SPECC1: variants seen among roughly 807,000 people sequenced by gnomAD.
The protein encoded by SPECC1 is sperm antigen with calponin homology and coiled-coil domains 1.
A neutral mutation model predicts 104.1 loss-of-function variants in SPECC1; 62 were observed. The observed-to-expected ratio is 0.60, with a 90% confidence interval of 0.49 to 0.74. The LOEUF is 0.74. Among genes scored for constraint, SPECC1 ranks in the 30% least tolerant of loss-of-function variants. The pLI is 0.00. For missense variants in SPECC1, 1,306 were observed against 1,310.5 expected, an observed-to-expected ratio of 1.00 and a Z score of 0.05; for synonymous variants, 513 against 501.6, an observed-to-expected ratio of 1.02 and a Z score of -0.30.
intron 11 of SPECC1, among the ~76,000 whole-genome samples, chr17:20,259,386 T>C (rs1226495857): frequency 6.6e-6 from 1 of 152,262 alleles, no homozygotes; most frequent in African/African-American, 2.4e-5. Context: ...TTTTACCTTT[T>C]TTAATGAAAA....
intron 1 of SPECC1, among the ~76,000 whole-genome samples, chr17:20,075,192 C>A (rs953382942): frequency 6.6e-6 from 1 of 152,330 alleles, no homozygotes; most frequent in South Asian, 2.1e-4. Context: ...CGTGAGCCCC[C>A]ACACCTGGCC....
chr17:20,097,194 T>A (rs562487537), intron 2 of SPECC1, among the ~76,000 whole-genome samples: 5 of 152,210 alleles, frequency 3.3e-5, no homozygotes, highest in Admixed American at 1.3e-4. Context: ...CGCTGTTGAT[T>A]ACGCCCTTCA....
chr17:20,153,283 G>A lies in SPECC1; in HGVS notation c.283+42721G>A, dbSNP rs148421470. ...TTGCTGTAATATAAGTTGGGAGGGA[G>A]AACTTCTGAAAGCTGAGGCTAGAAC... On this transcript the variant is annotated intron_variant, in intron 3 of 14. Coordinates refer to ENST00000395527, the MANE Select transcript of SPECC1 (RefSeq NM_001243439.2). Among the ~76,000 whole-genome samples, 412 of 152,308 alleles carry A rather than the reference G, an allele frequency of 2.7e-3. 1 individual carries two copies. Among genetic ancestry groups the A allele is most frequent in the African/African-American group, 8.6e-3 (358 of 41,566 alleles).
At chr17:20,093,181 C>CT (rs2047480716) in intron 1 of SPECC1, among the ~76,000 whole-genome samples, 1 of 152,194 alleles carries the variant, frequency 6.6e-6, no homozygotes, top group African/African-American at 2.4e-5. Context: ...GCTGCATAGT[C>CT]TAAGATCAAG....
intron 2 of SPECC1, among the ~76,000 whole-genome samples, chr17:20,097,861 A>C (rs1309284429): frequency 6.6e-6 from 1 of 152,138 alleles, no homozygotes; most frequent in Non-Finnish European, 1.5e-5. Context: ...TCTTTGTGTA[A>C]GATTGTCATG....
chr17:20,216,722 T>C (rs2037512735), intron 4 of SPECC1, among the ~76,000 whole-genome samples: 1 of 152,170 alleles, frequency 6.6e-6, no homozygotes, highest in Non-Finnish European at 1.5e-5. Flanking sequence ...TATAGTGCAA[T>C]TCCACTGGCT....
At chr17:20,251,466 T>C (rs1417128412) in intron 9 of SPECC1, among the ~76,000 whole-genome samples, 1 of 152,186 alleles carries the variant, frequency 6.6e-6, no homozygotes, top group East Asian at 1.9e-4. Context: ...TTGTCACTTT[T>C]GTTCAGCCAA....
intron 7 of SPECC1, among the ~76,000 whole-genome samples, chr17:20,244,102 G>A (rs2039321378): frequency 6.6e-6 from 1 of 152,086 alleles, no homozygotes; most frequent in African/African-American, 2.4e-5. Context: ...GTGCTTGCCT[G>A]TAGTCCCAGC....
rs2042011276 is a variant in SPECC1 at position 20,314,615 on chromosome 17, G to C, written c.*550G>C. On this transcript the variant is annotated 3_prime_UTR_variant, in exon 15 of 15. Transcript: ENST00000395527. ...TGAGCATACCACTGCACTCCAGCCT[G>C]TGTGAAAGAGCCAGACCCTGTCTCA... is the stretch of plus-strand genomic sequence containing the variant. 4.3e-6 allele frequency: 1 copy of C among 232,218 alleles called. No homozygotes were observed. The highest frequency in any genetic ancestry group is 8.5e-6 in the Non-Finnish European group (1 of 117,636). 14.4% of individuals were successfully genotyped at this position (232,218 alleles called of 1,614,324 possible).
chr17:20,198,812 G>GAGCC (rs1208833085), intron 3 of SPECC1, among the ~76,000 whole-genome samples: 3 of 152,202 alleles, frequency 2.0e-5, no homozygotes, highest in African/African-American at 4.8e-5. Context: ...TCCTGTAATA[G>GAGCC]AGCCACTGCT....
intron 3 of SPECC1, among the ~76,000 whole-genome samples, chr17:20,150,008 T>C (rs1022708947): frequency 7.2e-5 from 11 of 152,112 alleles, no homozygotes; most frequent in African/African-American, 2.4e-4. Flanking sequence ...AGTCTCACTC[T>C]GTCTCCCAGG....
chr17:20,276,559 T>C (rs1411253704), intron 12 of SPECC1, among the ~76,000 whole-genome samples: 1 of 152,224 alleles, frequency 6.6e-6, no homozygotes, highest in Non-Finnish European at 1.5e-5. Context: ...ATGTGTTTTA[T>C]CTTCTTCCTC....
At chr17:20,091,023 G>C (rs1420794654) in intron 1 of SPECC1, among the ~76,000 whole-genome samples, 2 of 152,262 alleles carry the variant, frequency 1.3e-5, no homozygotes, top group African/African-American at 4.8e-5. Flanking sequence ...TTTGTTTTCA[G>C]GTTTGAGGTG....
chr17:20,012,505 G>A lies in SPECC1; in HGVS notation c.-22+3081G>A, dbSNP rs1039623167. Among the ~76,000 whole-genome samples, 7 of 150,864 alleles carry A rather than the reference G, an allele frequency of 4.6e-5. No individual in the cohort carries two copies. The East Asian group carries it at 5.8e-4, about 12-fold the overall frequency. On this transcript the variant is annotated intron_variant, in intron 1 of 14. Transcript: ENST00000395527. ...TGAATTGTACCTTTTGGGAATAAACGAGCCATCTTATTTAATTTTTTTTTT... is the reference window on the plus strand; with the variant it reads ...TGAATTGTACCTTTTGGGAATAAACAAGCCATCTTATTTAATTTTTTTTTT...
intron 1 of SPECC1, among the ~76,000 whole-genome samples, chr17:20,065,127 T>G (rs1350254832): frequency 6.6e-6 from 1 of 152,250 alleles, no homozygotes; most frequent in South Asian, 2.1e-4. Context: ...TCAAACTGGG[T>G]TTTTCCTCTG....
chr17:20,168,097 ATTTGT>A (rs1712475962), intron 3 of SPECC1, among the ~76,000 whole-genome samples: 2 of 152,196 alleles, frequency 1.3e-5, no homozygotes, highest in Admixed American at 1.3e-4. Flanking sequence ...AAGCATTCCG[ATTTGT>A]TTTGATAAAA....
chr17:20,209,806 A>G lies in SPECC1; in HGVS notation c.1863+3894A>G, dbSNP rs144568289. Among the ~76,000 whole-genome samples the G allele has an allele frequency of 8.3e-4, 126 of 152,138 alleles. 1 individual carries two copies. The highest frequency in any genetic ancestry group is 2.9e-3 in the African/African-American group (122 of 41,506). On this transcript the variant is annotated intron_variant, in intron 4 of 14. Coordinates refer to ENST00000395527, the MANE Select transcript of SPECC1 (RefSeq NM_001243439.2). ...CAATAACATGACCCAGCTTTAATTT[A>G]CTTTTTTACCTTTTCAGTTGTTTGG...
At chr17:20,207,548 A>G (rs2036866912) in intron 4 of SPECC1, among the ~76,000 whole-genome samples, 1 of 152,214 alleles carries the variant, frequency 6.6e-6, no homozygotes, top group African/African-American at 2.4e-5. Context: ...ATTACATTAA[A>G]TGTGCATATC....
intron 10 of SPECC1, among the ~76,000 whole-genome samples, chr17:20,256,084 AG>A (rs1182485679): frequency 1.3e-5 from 2 of 151,722 alleles, no homozygotes; most frequent in Admixed American, 6.6e-5. Context: ...TCACCGTGTT[AG>A]CCAGGATGGT....
Sources: allele counts gnomAD v4.1 joint callset (sites outside exome capture counted in the v4.1 genomes callset), GRCh38; gene constraint gnomAD v4.1.1; transcripts MANE v1.5; gene names NCBI Gene and HGNC (gene_info 2026-07-23, HGNC 2026-07-21).